Variants in DCBLD2 observed in about 807,000 individuals in gnomAD.
DCBLD2 encodes discoidin, CUB and LCCL domain-containing protein 2.
DCBLD2 carries 54 observed loss-of-function variants against 86.8 expected under a neutral mutation model. The ratio of observed to expected loss-of-function variants is 0.62; its 90% CI spans 0.50 to 0.78. The LOEUF (loss-of-function observed/expected upper bound fraction) is 0.78, where lower values mean the gene tolerates loss of function less well. Among genes scored for constraint, DCBLD2 ranks in the 30% least tolerant of loss-of-function variants. The pLI is 0.00. For synonymous variants in DCBLD2, 354 were observed against 341.3 expected, an observed-to-expected ratio of 1.04 and a Z score of -0.41; for missense variants, 908 against 954.2, an observed-to-expected ratio of 0.95 and a Z score of 0.64.
chr3:98,806,104 G>A (rs1941833494), intron 13 of DCBLD2, among the ~76,000 whole-genome samples: 1 of 152,090 alleles, frequency 6.6e-6, no homozygotes. Context: ...TTGTTTTGAG[G>A]ATTAAATTAA....
At chr3:98,901,048 AT>A (rs1943839330) in intron 1 of DCBLD2, 73 bp downstream of exon 1, 1 of 1,533,048 alleles carries the variant, frequency 6.5e-7, no homozygotes, top group South Asian at 1.2e-5. Context: ...GCGTCTGCAG[AT>A]TTGTTCAGGG....
intron 3 of DCBLD2, among the ~76,000 whole-genome samples, chr3:98,838,133 C>T (rs1483196934): frequency 7.8e-5 from 10 of 127,394 alleles, no homozygotes; most frequent in East Asian, 6.9e-4. Context: ...GGCGGCTGGT[C>T]GGGCGGGGGG....
chr3:98,845,661 C>T (rs539186775), intron 3 of DCBLD2, among the ~76,000 whole-genome samples: 1 of 152,284 alleles, frequency 6.6e-6, no homozygotes, highest in African/African-American at 2.4e-5. Context: ...TCCTTAACAG[C>T]TTCCATGCAC....
rs1207772434 is a variant in DCBLD2 at position 98,901,198 on chromosome 3, G to C, written c.129C>G (p.Ser43=). Residue 43 remains serine (S), a synonymous_variant, in exon 1 of 16, where the codon TCC becomes TCG. Coordinates refer to ENST00000326840, the MANE Select transcript of DCBLD2 (RefSeq NM_080927.4). ...GGAGGAACAGAGGCATGGAGAAGGA[G>C]GAGGAGTTGGAGCAGGGAGGGAGGG... ...SRSLPPCSNS[S]SFSMPLFLLL... 2.6e-6 allele frequency: 4 copies of C among 1,536,640 alleles called. No homozygotes were observed. In the South Asian group the frequency reaches 4.8e-5, roughly 18 times the overall value.
chr3:98,901,070 C>A lies in DCBLD2; in HGVS notation c.205+52G>T. On this transcript the variant is annotated intron_variant, in intron 1 of 15. Coordinates refer to ENST00000326840, the MANE Select transcript of DCBLD2 (RefSeq NM_080927.4). The stretch of plus-strand genomic sequence containing the variant: ...CAGATTTGTTCAGGGGCCAAGAGAC[C>A]CGCAGCCCCGACGGAGGTTCCCCCG... The A allele has an allele frequency of 4.6e-6, 7 of 1,535,856 alleles. No homozygotes were observed. The Admixed American group carries it at 1.4e-4, about 30-fold the overall frequency.
intron 2 of DCBLD2, among the ~76,000 whole-genome samples, chr3:98,868,829 C>T (rs146809798): frequency 6.6e-6 from 1 of 152,236 alleles, no homozygotes; most frequent in East Asian, 1.9e-4. Flanking sequence ...TATATGTTTA[C>T]ATCATATATA....
intron 3 of DCBLD2, among the ~76,000 whole-genome samples, chr3:98,843,108 T>C (rs1244707813): frequency 6.6e-6 from 1 of 152,206 alleles, no homozygotes; most frequent in Non-Finnish European, 1.5e-5. Flanking sequence ...AAATTCTCTT[T>C]CTCTGCAAAA....
chr3:98,882,385 A>C (rs1943485974), intron 1 of DCBLD2, among the ~76,000 whole-genome samples: 2 of 152,212 alleles, frequency 1.3e-5, no homozygotes, highest in African/African-American at 4.8e-5. Flanking sequence ...ACAAATCATG[A>C]ACCAAAATAT....
At chr3:98,830,406 T>C (rs1471367899) in intron 3 of DCBLD2, among the ~76,000 whole-genome samples, 3 of 152,238 alleles carry the variant, frequency 2.0e-5, no homozygotes, top group Admixed American at 2.0e-4. Flanking sequence ...CTTGAGTTGA[T>C]TTTTGGATAT....
chr3:98,833,441 C>A (rs1458482979), intron 3 of DCBLD2, among the ~76,000 whole-genome samples: 1 of 152,182 alleles, frequency 6.6e-6, no homozygotes, highest in Admixed American at 6.5e-5. Flanking sequence ...GTCATTTCAG[C>A]CAACTCAGCC....
intron 12 of DCBLD2, 148 bp from the exon 13 acceptor site, chr3:98,808,322 G>A (rs1941878076): frequency 7.9e-6 from 5 of 634,952 alleles, no homozygotes; most frequent in Admixed American, 3.6e-5. Context: ...CTGGGCATGT[G>A]GTGGTAACTG....
intron 3 of DCBLD2, among the ~76,000 whole-genome samples, chr3:98,835,938 C>CTTTCTTTCTTTTTTTTT (rs56279917): frequency 8.7e-6 from 1 of 115,072 alleles, no homozygotes; most frequent in African/African-American, 3.4e-5. Flanking sequence ...TCCTTTCTTT[C>CTTTCTTTCTTTTTTTTT]TTTTTTTTTT....
At position 98,840,130 on chromosome 3, in the gene DCBLD2, C is replaced by A. The variant is rs151078370; in HGVS notation, c.571+9331G>T. Among the ~76,000 whole-genome samples the A allele has an allele frequency of 7.7e-3, 1,177 of 152,210 alleles. 27 individuals carry two copies. The highest frequency in any genetic ancestry group is 0.027 in the African/African-American group (1,123 of 41,508). ...AAACTTTCACTTTAATAAGATCATA[C>A]TGACCACTGAATTCAGAGTAGATTG... On this transcript the variant is annotated intron_variant, in intron 3 of 15. Coordinates refer to ENST00000326840, the MANE Select transcript of DCBLD2 (RefSeq NM_080927.4).
At chr3:98,858,657 G>A (rs772279512) in intron 2 of DCBLD2, among the ~76,000 whole-genome samples, 5 of 152,146 alleles carry the variant, frequency 3.3e-5, no homozygotes, top group Non-Finnish European at 7.4e-5. Context: ...CTGGTAAGGG[G>A]TTAATACCAA....
At chr3:98,876,347 C>A (rs940183434) in intron 2 of DCBLD2, among the ~76,000 whole-genome samples, 2 of 123,622 alleles carry the variant, frequency 1.6e-5, no homozygotes, top group African/African-American at 3.1e-5. Context: ...TATAGAAAGA[C>A]CTGTCTTTAA....
chr3:98,901,098 G>C, intron 1 of DCBLD2, 24 bp downstream of exon 1: 1 of 1,538,404 alleles, frequency 6.5e-7, no homozygotes, highest in Non-Finnish European at 8.7e-7. Context: ...TTCCCCCGCC[G>C]CTCACTCCCC....
In DCBLD2 at chr3:98,811,206, T is replaced by A; in HGVS notation, c.1564A>T (p.Asn522Tyr). 6.2e-7 allele frequency: 1 copy of A among 1,605,992 alleles called. No individual in the cohort carries two copies. The highest frequency in any genetic ancestry group is 8.5e-7 in the Non-Finnish European group (1 of 1,177,552). The change falls in exon 12 of 16, where the codon AAT (asparagine) becomes TAT (tyrosine). Residue 522 changes from asparagine (N) to tyrosine (Y), a missense_variant. Asn to Tyr is a moderately radical substitution (Grantham distance 143). This residue lies in a region of DCBLD2 where 606 missense variants were observed against 678.5 expected (regional missense o/e 0.89). Transcript: ENST00000326840. Reference protein sequence around the residue: ...PDIRNTTVTPNVTKDVALAAV... With the variant: ...PDIRNTTVTPYVTKDVALAAV... Reference sequence around the variant, plus strand: ...CATGTTTGCATACCTTTGGTTACATTTGGAGTTACGGTAGTATTTCTGATA... The same window carrying A: ...CATGTTTGCATACCTTTGGTTACATATGGAGTTACGGTAGTATTTCTGATA...
At position 98,799,094 on chromosome 3, in the gene DCBLD2, G is replaced by A. The variant is rs2107413296; in HGVS notation, c.*278C>T. ...ATACTCTGTGATTTTTAATTTCTCT[G>A]AAGTGCATTATAGGGAGCTTTTTCT... On this transcript the variant is annotated 3_prime_UTR_variant, in exon 16 of 16. Transcript: ENST00000326840. The A allele has an allele frequency of 3.6e-6, 1 of 280,660 alleles. No homozygotes were observed. Among genetic ancestry groups the A allele is most frequent in the Non-Finnish European group, 6.7e-6 (1 of 148,938 alleles). The allele number at this position is 280,660 out of a possible 1,614,324, so 17.4% of individuals were successfully genotyped here.
chr3:98,875,150 G>T (rs1943347437), intron 2 of DCBLD2, among the ~76,000 whole-genome samples: 1 of 152,188 alleles, frequency 6.6e-6, no homozygotes, highest in African/African-American at 2.4e-5. Flanking sequence ...AGATGTGATT[G>T]TGTATCTGAA....
Sources: allele counts gnomAD v4.1 joint callset (sites outside exome capture counted in the v4.1 genomes callset), GRCh38; gene constraint gnomAD v4.1.1; regional missense constraint gnomAD v4.1.1; transcripts MANE v1.5; gene names NCBI Gene and HGNC (gene_info 2026-07-23, HGNC 2026-07-21).